Variants in FBH1 observed in about 807,000 individuals in gnomAD.
FBH1 encodes the protein DNA 3'-5' helicase 1.
Under a neutral mutation model 115.5 loss-of-function variants are expected in FBH1, and 43 were observed. The ratio of observed to expected loss-of-function variants is 0.37; its 90% CI spans 0.29 to 0.48. FBH1 has a LOEUF of 0.48. Among genes scored for constraint, FBH1 ranks in the 20% least tolerant of loss-of-function variants. FBH1 has a pLI of 0.99. For synonymous variants in FBH1, 524 were observed against 507.8 expected (o/e 1.03, Z -0.43); for missense variants, 1,001 against 1,337.3 (o/e 0.75, Z 3.92).
At position 5,921,179 on chromosome 10, in the gene FBH1, A is replaced by G; in HGVS notation, c.2101-79A>G. 7.2e-7 allele frequency: 1 copy of G among 1,396,638 alleles called. No homozygotes were observed. The highest frequency in any genetic ancestry group is 1.0e-6 in the Non-Finnish European group (1 of 992,664). 86.5% of individuals were successfully genotyped at this position (1,396,638 alleles called of 1,614,324 possible). Reference sequence around the variant, plus strand: ...ACAACTTGTAGGGTCTGGCCCGGCCAGGCTGTGGCAGCAGTGATGGAAATG... The same window carrying G: ...ACAACTTGTAGGGTCTGGCCCGGCCGGGCTGTGGCAGCAGTGATGGAAATG... On this transcript the variant is annotated intron_variant, in intron 13 of 20. Coordinates refer to ENST00000362091, the MANE Select transcript of FBH1 (RefSeq NM_178150.3). The surrounding 1 kb of genome is among the most constrained non-coding windows in gnomAD (Gnocchi z 6.4).
At chr10:5,929,980 T>C (rs1169707715) in intron 19 of FBH1, 1 of 152,182 alleles carries the variant, frequency 6.6e-6, no homozygotes, top group Non-Finnish European at 1.5e-5. Flanking sequence ...ACATTGTCAA[T>C]TGGTAGAACT....
At position 5,901,131 on chromosome 10, in the gene FBH1, G is replaced by T. The variant is rs116408046; in HGVS notation, c.2-1889G>T. 3.1e-3 allele frequency among the ~76,000 whole-genome samples: 469 copies of T among 152,222 alleles called. 4 individuals carry two copies. Among genetic ancestry groups the T allele is most frequent in the African/African-American group, 0.011 (453 of 41,542 alleles). ...AAAAAGAAAAAAAAAGAAATGTTGA[G>T]TGAGATTCTGGCATTTGATACCATA... On this transcript the variant is annotated intron_variant, in intron 1 of 20. Transcript: ENST00000362091.
Position 5,918,790 on chromosome 10 carries a change from T to C in FBH1, c.2100+312T>C, listed in dbSNP as rs1047907715. On this transcript the variant is annotated intron_variant, in intron 13 of 20. Coordinates refer to ENST00000362091, the MANE Select transcript of FBH1 (RefSeq NM_178150.3). This position sits in a 1 kb window ranked among gnomAD's most constrained non-coding sequence, Gnocchi z 4.0. ...TGTTCAGACTTGTGTATTTGGCACTTTTTCAAAGACAAGTGAAACAAGCTG... is the reference window on the plus strand; with the variant it reads ...TGTTCAGACTTGTGTATTTGGCACTCTTTCAAAGACAAGTGAAACAAGCTG... Among the ~76,000 whole-genome samples the C allele has an allele frequency of 6.6e-6, 1 of 152,232 alleles. No individual in the cohort carries two copies. Among genetic ancestry groups the C allele is most frequent in the African/African-American group, 2.4e-5 (1 of 41,460 alleles).
upstream of FBH1, chr10:5,890,099 G>T (rs910456288): frequency 2.5e-5 from 8 of 317,080 alleles, no homozygotes; most frequent in South Asian, 9.4e-4. Flanking sequence ...ATTGGCGTTA[G>T]TGGCCGTCCG....
In FBH1 at chr10:5,918,276, C is replaced by G; in HGVS notation, c.1964-66C>G. 6.3e-7 allele frequency: 1 copy of G among 1,582,552 alleles called. No homozygotes were observed. The highest frequency in any genetic ancestry group is 8.5e-7 in the Non-Finnish European group (1 of 1,169,782). On this transcript the variant is annotated intron_variant, in intron 12 of 20. Coordinates refer to ENST00000362091, the MANE Select transcript of FBH1 (RefSeq NM_178150.3). This position sits in a 1 kb window ranked among gnomAD's most constrained non-coding sequence, Gnocchi z 4.0. ...CTTAGCTTCGTGGAAGTGTTTTTGT[C>G]CTTTTCTTTTTGCTGCCTGGGGTGG... is the stretch of plus-strand genomic sequence containing the variant.
At position 5,918,776 on chromosome 10, in the gene FBH1, G is replaced by T. The variant is rs1245968988; in HGVS notation, c.2100+298G>T. Among the ~76,000 whole-genome samples, 2 of 152,234 alleles carry T rather than the reference G, an allele frequency of 1.3e-5. No individual in the cohort carries two copies. Among genetic ancestry groups the T allele is most frequent in the Admixed American group, 6.5e-5 (1 of 15,284 alleles). Reference sequence around the variant, plus strand: ...AGACCAGCGCTGGTTGTTCAGACTTGTGTATTTGGCACTTTTTCAAAGACA... The same window carrying T: ...AGACCAGCGCTGGTTGTTCAGACTTTTGTATTTGGCACTTTTTCAAAGACA... On this transcript the variant is annotated intron_variant, in intron 13 of 20. Coordinates refer to ENST00000362091, the MANE Select transcript of FBH1 (RefSeq NM_178150.3). This position sits in a 1 kb window ranked among gnomAD's most constrained non-coding sequence, Gnocchi z 4.0.
rs758341706 is a variant in FBH1, at chr10:5,911,141, G to T, written c.1211+13G>T. 35 of 1,602,852 alleles carry T rather than the reference G, an allele frequency of 2.2e-5. 1 individual carries two copies. Among genetic ancestry groups the T allele is most frequent in the Middle Eastern group, 1.7e-4 (1 of 6,008 alleles). The stretch of plus-strand genomic sequence containing the variant: ...ACATCAGCAATAGGTAATGCCCCGG[G>T]AGGAGGGGAGGGGATGCTGTGATAA... On this transcript the variant is annotated intron_variant, in intron 6 of 20. Transcript: ENST00000362091. This position sits in a 1 kb window ranked among gnomAD's most constrained non-coding sequence, Gnocchi z 5.4.
rs540667716 is a variant in FBH1 at position 5,921,822 on chromosome 10, C to T, written c.2322+253C>T. 6.6e-6 allele frequency among the ~76,000 whole-genome samples: 1 copy of T among 152,218 alleles called. No individual in the cohort carries two copies. Among genetic ancestry groups the T allele is most frequent in the South Asian group, 2.1e-4 (1 of 4,832 alleles). On this transcript the variant is annotated intron_variant, in intron 15 of 20. Transcript: ENST00000362091. This position sits in a 1 kb window ranked among gnomAD's most constrained non-coding sequence, Gnocchi z 6.4. ...CACTCTTTTAACAATGAATGCCCTTCTTCCCTTGGCAATGCCAGTGAGGCC... is the reference window on the plus strand; with the variant it reads ...CACTCTTTTAACAATGAATGCCCTTTTTCCCTTGGCAATGCCAGTGAGGCC...
intron 6 of FBH1, among the ~76,000 whole-genome samples, chr10:5,912,312 C>T (rs922341064): frequency 2.0e-5 from 3 of 151,116 alleles, no homozygotes; most frequent in South Asian, 2.1e-4. Flanking sequence ...TGCAGTGAGC[C>T]GAGATATGCC....
Position 5,933,078 on chromosome 10 carries a change from C to T in FBH1, c.2830-3378C>T, listed in dbSNP as rs1370510148. 2.0e-5 allele frequency among the ~76,000 whole-genome samples: 3 copies of T among 152,080 alleles called. No individual in the cohort carries two copies. Among genetic ancestry groups the T allele is most frequent in the Admixed American group, 1.3e-4 (2 of 15,268 alleles). ...GGAGATTGTTATCACTTTAGAGTCC[C>T]ACCAGTTGTATGCATAAGAGTGAAA... is the stretch of plus-strand genomic sequence containing the variant. On this transcript the variant is annotated intron_variant, in intron 19 of 20. Coordinates refer to ENST00000362091, the MANE Select transcript of FBH1 (RefSeq NM_178150.3). This position sits in a 1 kb window ranked among gnomAD's most constrained non-coding sequence, Gnocchi z 4.9.
intron 1 of FBH1, among the ~76,000 whole-genome samples, chr10:5,892,218 C>T (rs1842774748): frequency 1.3e-5 from 2 of 152,152 alleles, no homozygotes; most frequent in Admixed American, 1.3e-4. Flanking sequence ...TTTACAGTCA[C>T]GTCACATGTA....
intron 1 of FBH1, among the ~76,000 whole-genome samples, chr10:5,893,141 A>G (rs539618992): frequency 6.6e-6 from 1 of 152,266 alleles, no homozygotes; most frequent in African/African-American, 2.4e-5. Flanking sequence ...TCCTATCTCT[A>G]CTAAAATACA....
Position 5,921,145 on chromosome 10 carries a change from G to T in FBH1, c.2101-113G>T. 1 of 896,886 alleles carries T rather than the reference G, an allele frequency of 1.1e-6. No individual in the cohort carries two copies. The allele number at this position is 896,886 out of a possible 1,614,324, so 55.6% of individuals were successfully genotyped here. ...CTGTGAAGTTCGCTTTCCATGCGGG[G>T]GGTCAGGAACAACTTGTAGGGTCTG... On this transcript the variant is annotated intron_variant, in intron 13 of 20. Coordinates refer to ENST00000362091, the MANE Select transcript of FBH1 (RefSeq NM_178150.3). The surrounding 1 kb of genome is among the most constrained non-coding windows in gnomAD (Gnocchi z 6.4).
rs776383400 is a variant in FBH1 at position 5,906,159 on chromosome 10, A to C, written c.280A>C (p.Ile94Leu). 24 of 1,614,058 alleles carry C rather than the reference A, an allele frequency of 1.5e-5. No homozygotes were observed. The highest frequency in any genetic ancestry group is 8.3e-5 in the Admixed American group (5 of 60,002). ...DSCQDSEGDM[I>L]FPAESSCALP... The stretch of plus-strand genomic sequence containing the variant: ...CTGTCAGGACTCTGAGGGTGACATG[A>C]TCTTTCCTGCAGAGAGCAGCTGTGC... Residue 94 changes from isoleucine (I) to leucine (L), a missense_variant, in exon 3 of 21, where the codon ATC (isoleucine) becomes CTC (leucine). This residue lies in a region of FBH1 where 420 missense variants were observed against 430.4 expected (regional missense o/e 0.98). Coordinates refer to ENST00000362091, the MANE Select transcript of FBH1 (RefSeq NM_178150.3). The surrounding 1 kb of genome is among the most constrained non-coding windows in gnomAD (Gnocchi z 7.3).
In FBH1 at chr10:5,914,262, C is replaced by T. The variant is rs994687102; in HGVS notation, c.1389C>T (p.Ala463=). ...CTCTCCAGGTGGTGAAAATTATGGC[C>T]TTTGCCGGTAAGGGAGCCCACATCA... The part of the protein sequence containing the change: ...MEPLQVVKIM[A]FAGTGKTSTL... The change falls in exon 8 of 21, where the codon GCC becomes GCT. Residue 463 remains alanine, a synonymous_variant. Transcript: ENST00000362091. This position sits in a 1 kb window ranked among gnomAD's most constrained non-coding sequence, Gnocchi z 5.2. 1.2e-6 allele frequency: 2 copies of T among 1,614,050 alleles called. No individual in the cohort carries two copies. The highest frequency in any genetic ancestry group is 1.3e-5 in the African/African-American group (1 of 74,936).
chr10:5,917,488 G>A lies in FBH1; in HGVS notation c.1857G>A (p.Ala619=), dbSNP rs746596614. 1.7e-5 allele frequency: 28 copies of A among 1,614,066 alleles called. No homozygotes were observed. In the Admixed American group the frequency reaches 3.2e-4, roughly 18 times the overall value. The change falls in exon 11 of 21, where the codon GCG becomes GCA. Residue 619 remains alanine (A), a synonymous_variant. Transcript: ENST00000362091. The surrounding 1 kb of genome is among the most constrained non-coding windows in gnomAD (Gnocchi z 5.6). ...AGCTGGGGGAGTGCACAGAAGAGGC[G>A]CACCAGATGACTCATGACGGTAGGC... ...MRKLGECTEE[A]HQMTHDGYLK...
At chr10:5,905,354 A>G (rs972253966) in intron 2 of FBH1, 19 of 152,172 alleles carry the variant, frequency 1.2e-4, no homozygotes, top group Admixed American at 4.6e-4. Flanking sequence ...CCCCATCTCT[A>G]CTAAAATACA....
rs1324072143 is a variant in FBH1 at position 5,932,052 on chromosome 10, TG to T, written c.2830-4401del. 6.6e-6 allele frequency among the ~76,000 whole-genome samples: 1 copy of T among 152,112 alleles called. No homozygotes were observed. The highest frequency in any genetic ancestry group is 6.5e-5 in the Admixed American group (1 of 15,270). On this transcript the variant is annotated intron_variant, in intron 19 of 20. Coordinates refer to ENST00000362091, the MANE Select transcript of FBH1 (RefSeq NM_178150.3). This position sits in a 1 kb window ranked among gnomAD's most constrained non-coding sequence, Gnocchi z 5.9. ...GCCCCAGCTACTTAGGAGGCTGAGG[TG>T]GGAGAATCGCGTGAACCCAGGAGGC...
chr10:5,910,499 C>T lies in FBH1; in HGVS notation c.1021-439C>T, dbSNP rs1831514128. The stretch of plus-strand genomic sequence containing the variant: ...CTGCCAGATTTTATTTTCCCCACAG[C>T]CTGCGTGCGGCCCTCTCCTGTGTCT... On this transcript the variant is annotated intron_variant, in intron 5 of 20. Coordinates refer to ENST00000362091, the MANE Select transcript of FBH1 (RefSeq NM_178150.3). This position sits in a 1 kb window ranked among gnomAD's most constrained non-coding sequence, Gnocchi z 4.8. 1.3e-5 allele frequency among the ~76,000 whole-genome samples: 2 copies of T among 152,154 alleles called. No homozygotes were observed. The highest frequency in any genetic ancestry group is 4.2e-4 in the South Asian group (2 of 4,816).
Sources: gnomAD v4.1 joint callset for allele counts (sites outside exome capture counted in the v4.1 genomes callset) on GRCh38, gnomAD v4.1.1 for gene constraint, gnomAD v4.1.1 regional missense constraint, Gnocchi (gnomAD v3.1) non-coding constraint, MANE v1.5 for transcripts, NCBI Gene and HGNC (gene_info 2026-07-23, HGNC 2026-07-21) for gene names.